The following MAPK10 variants were observed in gnomAD, a reference collection of about 807,000 sequenced individuals.
MAPK10 encodes JNK3 alpha protein kinase.
Under a neutral mutation model 59.3 loss-of-function variants are expected in MAPK10, and 25 were observed. That is an observed-to-expected ratio of 0.42 (90% CI 0.31 to 0.59). The LOEUF is 0.59. MAPK10 is among the 20% of genes least tolerant of loss of function. The pLI is 0.15. For missense variants in MAPK10, 351 were observed against 568.9 expected (o/e 0.62, Z 3.90); for synonymous variants, 190 against 200.5 (o/e 0.95, Z 0.44).
intron 11 of MAPK10, among the ~76,000 whole-genome samples, chr4:86,043,857 C>T (rs1225525649): frequency 6.6e-6 from 1 of 152,082 alleles, no homozygotes; most frequent in African/African-American, 2.4e-5. Context: ...GTCTTTGTGA[C>T]AAACCTCCTA....
chr4:86,070,340 TTTTC>T (rs150385558), intron 9 of MAPK10, among the ~76,000 whole-genome samples: 2,617 of 151,998 alleles, frequency 0.017, 67 homozygotes, highest in African/African-American at 0.058. Flanking sequence ...AGCACATGAT[TTTTC>T]TTTCTTTTTT....
intron 11 of MAPK10, among the ~76,000 whole-genome samples, chr4:86,043,900 T>A (rs887820367): frequency 3.3e-5 from 5 of 152,192 alleles, no homozygotes; most frequent in Admixed American, 3.3e-4. Flanking sequence ...CACAAAGATT[T>A]AAAAATCTAT....
intron 2 of MAPK10, among the ~76,000 whole-genome samples, chr4:86,322,342 G>A (rs913574920): frequency 6.6e-6 from 1 of 152,174 alleles, no homozygotes; most frequent in African/African-American, 2.4e-5. Flanking sequence ...ACACAATCTA[G>A]TCAGCTAGCA....
In MAPK10 at chr4:86,058,184, T is replaced by C. The variant is rs1213220812; in HGVS notation, c.1110+6082A>G. Among the ~76,000 whole-genome samples the C allele has an allele frequency of 1.3e-5, 2 of 149,774 alleles. 1 individual carries two copies. Among genetic ancestry groups the C allele is most frequent in the Non-Finnish European group, 3.0e-5 (2 of 67,528 alleles). On this transcript the variant is annotated intron_variant, in intron 11 of 13. Transcript: ENST00000641462. ...ACTTCACTTTACTAGGGGAGGTCCTTGAGTACCTCTTCTAACATCTAAAGT... is the reference window on the plus strand; with the variant it reads ...ACTTCACTTTACTAGGGGAGGTCCTCGAGTACCTCTTCTAACATCTAAAGT...
intron 2 of MAPK10, among the ~76,000 whole-genome samples, chr4:86,215,773 A>G (rs1454236990): frequency 6.6e-6 from 1 of 152,166 alleles, no homozygotes; most frequent in Non-Finnish European, 1.5e-5. Flanking sequence ...GGGGCAGGAG[A>G]ATCGCTTGAA....
intron 2 of MAPK10, among the ~76,000 whole-genome samples, chr4:86,309,245 T>G (rs2095625361): frequency 6.6e-6 from 1 of 152,176 alleles, no homozygotes; most frequent in Admixed American, 6.6e-5. Context: ...ATTGAGGCTG[T>G]AAAGCAGTCC....
At chr4:86,365,420 A>G (rs1426172439) in intron 1 of MAPK10, among the ~76,000 whole-genome samples, 3 of 118,700 alleles carry the variant, frequency 2.5e-5, no homozygotes, top group Non-Finnish European at 5.0e-5. Context: ...CAACAGGGTG[A>G]GACTCTGTCT....
intron 9 of MAPK10, chr4:86,089,292 G>A: frequency 6.4e-7 from 1 of 1,568,086 alleles, no homozygotes; most frequent in Middle Eastern, 1.7e-4. Context: ...AAACAAAAAT[G>A]AAATGAAGAT....
intron 2 of MAPK10, among the ~76,000 whole-genome samples, chr4:86,217,242 G>T (rs910620525): frequency 3.7e-4 from 56 of 152,108 alleles, no homozygotes; most frequent in African/African-American, 1.2e-3. Flanking sequence ...CATGTATTTT[G>T]GAGCCTGAAC....
chr4:86,319,963 C>T (rs1347871590), intron 2 of MAPK10, among the ~76,000 whole-genome samples: 2 of 152,242 alleles, frequency 1.3e-5, no homozygotes, highest in Admixed American at 6.5e-5. Context: ...ATACCACTTA[C>T]ACCCAAGTCC....
rs185576816 is a variant in MAPK10, at chr4:86,271,590, C to T, written c.-6-77183G>A. On this transcript the variant is annotated intron_variant, in intron 2 of 13. Coordinates refer to ENST00000641462, the MANE Select transcript of MAPK10 (RefSeq NM_138982.4). The stretch of plus-strand genomic sequence containing the variant: ...CCTGTATTAGTCCACTCTCACGCTG[C>T]TAATAAAGACATACCCTAAACTGGG... 5.7e-4 allele frequency among the ~76,000 whole-genome samples: 87 copies of T among 152,030 alleles called. No individual in the cohort carries two copies. The East Asian group carries it at 8.5e-3, about 15-fold the overall frequency.
At chr4:86,423,762 TATATATACATATATA>T (rs1564842172) in intron 1 of MAPK10, among the ~76,000 whole-genome samples, 912 of 57,496 alleles carry the variant, frequency 0.016, 28 homozygotes, top group African/African-American at 0.038. Flanking sequence ...ATTAGTGGGA[TATATATACATATATA>T]TATATATATA....
At chr4:86,201,346 C>T (rs919854901) in intron 2 of MAPK10, among the ~76,000 whole-genome samples, 4 of 151,890 alleles carry the variant, frequency 2.6e-5, no homozygotes, top group Non-Finnish European at 5.9e-5. Context: ...AATTCAGTTG[C>T]TTCACATCCC....
At chr4:86,580,697 A>G (rs1762202613) in intron 1 of MAPK10, among the ~76,000 whole-genome samples, 2 of 152,224 alleles carry the variant, frequency 1.3e-5, no homozygotes, top group South Asian at 4.1e-4. Context: ...ATTTTTTTCT[A>G]GCAAGATTTT....
intron 2 of MAPK10, among the ~76,000 whole-genome samples, chr4:86,220,573 C>A (rs535320834): frequency 9.2e-5 from 14 of 152,198 alleles, no homozygotes; most frequent in African/African-American, 2.6e-4. Context: ...ATATTTTCCA[C>A]ATTTATATAC....
chr4:86,074,440 T>C (rs987115393), intron 9 of MAPK10, among the ~76,000 whole-genome samples: 52 of 151,478 alleles, frequency 3.4e-4, no homozygotes, highest in African/African-American at 1.2e-3. Flanking sequence ...GTCATCATGA[T>C]GTTAGCTGGT....
chr4:86,137,270 C>A (rs1031011101), intron 4 of MAPK10, among the ~76,000 whole-genome samples: 1 of 151,820 alleles, frequency 6.6e-6, no homozygotes, highest in South Asian at 2.1e-4. Flanking sequence ...CCAAAATTGA[C>A]CATATACTTG....
intron 4 of MAPK10, among the ~76,000 whole-genome samples, chr4:86,130,611 GCATCAGC>G (rs2060830608): frequency 6.7e-6 from 1 of 149,756 alleles, no homozygotes; most frequent in Non-Finnish European, 1.5e-5. Flanking sequence ...TTTGTGCATA[GCATCAGC>G]AGGGAAAGTA....
intron 1 of MAPK10, among the ~76,000 whole-genome samples, chr4:86,411,652 A>G (rs1284920968): frequency 6.6e-6 from 1 of 152,206 alleles, no homozygotes; most frequent in East Asian, 1.9e-4. Flanking sequence ...ACCATTATGT[A>G]ATGGCCTTCT....
Sources: gnomAD v4.1 joint callset for allele counts (sites outside exome capture counted in the v4.1 genomes callset) on GRCh38, gnomAD v4.1.1 for gene constraint, MANE v1.5 for transcripts, NCBI Gene and HGNC (gene_info 2026-07-23, HGNC 2026-07-21) for gene names.